CADM4: variants seen among roughly 807,000 people sequenced by gnomAD.
CADM4 encodes the protein TSLC1-like 2.
CADM4 carries 13 observed loss-of-function variants against 43.9 expected under a neutral mutation model. That is an observed-to-expected ratio of 0.30 (90% confidence interval 0.19 to 0.47). The LOEUF (loss-of-function observed/expected upper bound fraction) is 0.47, where lower values mean the gene tolerates loss of function less well. CADM4 is among the 20% of genes least tolerant of loss of function. CADM4 has a pLI of 1.00. For missense variants in CADM4, 420 were observed against 527.0 expected, an observed-to-expected ratio of 0.80 and a Z score of 1.99; for synonymous variants, 209 against 220.9, an observed-to-expected ratio of 0.95 and a Z score of 0.48.
At chr19:43,630,725 G>T (rs1973610448) in intron 1 of CADM4, among the ~76,000 whole-genome samples, 1 of 152,144 alleles carries the variant, frequency 6.6e-6, no homozygotes, top group Non-Finnish European at 1.5e-5. Context: ...ACTCCTGGCT[G>T]TCTGGATTAA....
In CADM4 at chr19:43,636,185, TG is replaced by T. The variant is rs1600102422; in HGVS notation, c.64+3541del. 2.0e-5 allele frequency among the ~76,000 whole-genome samples: 3 copies of T among 151,990 alleles called. No homozygotes were observed. The South Asian group carries it at 6.2e-4, about 32-fold the overall frequency. ...CCCATCTGGGGACCTAGGCATCAGG[TG>T]GGGGCGTAGGGGTGAGTCAGCAACC... On this transcript the variant is annotated intron_variant, in intron 1 of 8. Transcript: ENST00000222374.
Position 43,625,367 on chromosome 19 carries a change from T to C in CADM4, c.756-117A>G. The C allele has an allele frequency of 2.0e-6, 2 of 1,013,638 alleles. No homozygotes were observed. The highest frequency in any genetic ancestry group is 2.8e-6 in the Non-Finnish European group (2 of 709,772). The allele number at this position is 1,013,638 out of a possible 1,614,324, so 62.8% of individuals were successfully genotyped here. On this transcript the variant is annotated intron_variant, in intron 6 of 8. Coordinates refer to ENST00000222374, the MANE Select transcript of CADM4 (RefSeq NM_145296.2). This position sits in a 1 kb window ranked among gnomAD's most constrained non-coding sequence, Gnocchi z 4.5. Reference sequence around the variant, plus strand: ...CCGCAGGGACCTCCAAATAAGAGGCTTCCTGCTATCTCTTTCCTTTCTGGA... The same window carrying C: ...CCGCAGGGACCTCCAAATAAGAGGCCTCCTGCTATCTCTTTCCTTTCTGGA...
At chr19:43,630,135 G>A (rs1973595640) in intron 1 of CADM4, among the ~76,000 whole-genome samples, 1 of 151,670 alleles carries the variant, frequency 6.6e-6, no homozygotes, top group East Asian at 1.9e-4. Context: ...GAACTTGCGA[G>A]CTCAAGTGAA....
In CADM4 at chr19:43,627,251, A is replaced by C. The variant is rs781112477; in HGVS notation, c.279T>G (p.Asp93Glu). Residue 93 changes from aspartate (D) to glutamate (E), a missense_variant, in exon 3 of 9, where the codon GAT becomes GAG. Physicochemically the swap from Asp to Glu is conservative, Grantham distance 45. Transcript: ENST00000222374. The surrounding 1 kb of genome is among the most constrained non-coding windows in gnomAD (Gnocchi z 4.0). Reference protein sequence around the residue: ...SPRRVRIRLSDARLEDEGGYF... With the variant: ...SPRRVRIRLSEARLEDEGGYF... ...AGCCCCCCTCGTCCTCCAGGCGGGCATCTGAGAGCCGGATCCGCACCCGGC... is the reference window on the plus strand; with the variant it reads ...AGCCCCCCTCGTCCTCCAGGCGGGCCTCTGAGAGCCGGATCCGCACCCGGC... 3.1e-6 allele frequency: 5 copies of C among 1,612,886 alleles called. No homozygotes were observed. The highest frequency in any genetic ancestry group is 4.2e-6 in the Non-Finnish European group (5 of 1,179,440).
Position 43,625,011 on chromosome 19 carries a change from G to C in CADM4, c.928+67C>G. On this transcript the variant is annotated intron_variant, in intron 7 of 8. Transcript: ENST00000222374. The surrounding 1 kb of genome is among the most constrained non-coding windows in gnomAD (Gnocchi z 4.5). ...AACCCCTGAGTTATGTGGCCTCTTT[G>C]CTCAAGCCCCGCCCCCGCCACCTGG... is the stretch of plus-strand genomic sequence containing the variant. 1 of 1,442,074 alleles carries C rather than the reference G, an allele frequency of 6.9e-7. No individual in the cohort carries two copies. Among genetic ancestry groups the C allele is most frequent in the African/African-American group, 1.4e-5 (1 of 70,340 alleles). 89.3% of individuals were successfully genotyped at this position (1,442,074 alleles called of 1,614,324 possible).
intron 1 of CADM4, among the ~76,000 whole-genome samples, chr19:43,635,098 G>GA (rs1163563749): frequency 7.3e-5 from 11 of 150,240 alleles, no homozygotes; most frequent in Admixed American, 6.6e-4. Flanking sequence ...CAGGGGTCCA[G>GA]AGTACACAGC....
chr19:43,630,200 C>T (rs1412539703), intron 1 of CADM4, among the ~76,000 whole-genome samples: 2 of 151,424 alleles, frequency 1.3e-5, no homozygotes, highest in Non-Finnish European at 2.9e-5. Flanking sequence ...CCACTGTGCC[C>T]GGCCTGCGCT....
chr19:43,625,578 A>AAAT lies in CADM4; in HGVS notation c.755+330_756-329dup, dbSNP rs3842421. ...GGGAGACCCCGTCACTACAATTAAA[A>AAAT]AATAATAATAATAATAATAATAATT... On this transcript the variant is annotated intron_variant, in intron 6 of 8. Transcript: ENST00000222374. The surrounding 1 kb of genome is among the most constrained non-coding windows in gnomAD (Gnocchi z 4.5). Among the ~76,000 whole-genome samples, 45,932 of 149,768 alleles carry AAAT rather than the reference A, an allele frequency of 0.31. 7,094 individuals are homozygous for AAAT. The highest frequency in any genetic ancestry group is 0.38 in the Middle Eastern group (107 of 284).
At chr19:43,639,899 C>G, upstream of CADM4, 1 of 854,964 alleles carries the variant, frequency 1.2e-6, no homozygotes, top group South Asian at 5.4e-5. Context: ...GGGGGCGGGG[C>G]GCCGAGGCCG....
intron 1 of CADM4, among the ~76,000 whole-genome samples, chr19:43,638,412 T>C (rs1229334217): frequency 6.6e-6 from 1 of 152,238 alleles, no homozygotes; most frequent in Non-Finnish European, 1.5e-5. Flanking sequence ...GCCAGCCCCA[T>C]GCCACCTGGT....
At chr19:43,638,183 C>T (rs956531664) in intron 1 of CADM4, among the ~76,000 whole-genome samples, 9 of 152,126 alleles carry the variant, frequency 5.9e-5, no homozygotes, top group Non-Finnish European at 1.2e-4. Context: ...TCATCCTGGC[C>T]GAGGTGAGGA....
At chr19:43,636,049 C>T (rs532857955) in intron 1 of CADM4, among the ~76,000 whole-genome samples, 1 of 151,636 alleles carries the variant, frequency 6.6e-6, no homozygotes, top group South Asian at 2.1e-4. Context: ...AGGCCCCCAG[C>T]CCCTCCTCCA....
At position 43,622,702 on chromosome 19, in the gene CADM4, G is replaced by C. The variant is rs1247850214; in HGVS notation, c.*628C>G. 1 of 152,694 alleles carries C rather than the reference G, an allele frequency of 6.5e-6. No homozygotes were observed. The highest frequency in any genetic ancestry group is 1.5e-5 in the Non-Finnish European group (1 of 68,166). The allele number at this position is 152,694 out of a possible 1,614,324, so 9.5% of individuals were successfully genotyped here. ...AGAGACAAATATGGATGGGACAGAC[G>C]TTGGGGGAGAAGGTAGAGAGAAGGG... On this transcript the variant is annotated 3_prime_UTR_variant, in exon 9 of 9. Transcript: ENST00000222374.
At chr19:43,636,317 C>G (rs1322986507) in intron 1 of CADM4, among the ~76,000 whole-genome samples, 1 of 152,094 alleles carries the variant, frequency 6.6e-6, no homozygotes, top group African/African-American at 2.4e-5. Context: ...CCCCAGAGGT[C>G]CTCCCTGGGT....
Position 43,625,341 on chromosome 19 carries a change from C to T in CADM4, c.756-91G>A. On this transcript the variant is annotated intron_variant, in intron 6 of 8. Coordinates refer to ENST00000222374, the MANE Select transcript of CADM4 (RefSeq NM_145296.2). The surrounding 1 kb of genome is among the most constrained non-coding windows in gnomAD (Gnocchi z 4.5). ...AAGAATCTAGACATGCAACTCTCAT[C>T]CCGCAGGGACCTCCAAATAAGAGGC... is the stretch of plus-strand genomic sequence containing the variant. The T allele has an allele frequency of 7.8e-7, 1 of 1,285,368 alleles. No homozygotes were observed. The highest frequency in any genetic ancestry group is 1.5e-5 in the African/African-American group (1 of 67,248). 79.6% of individuals were successfully genotyped at this position (1,285,368 alleles called of 1,614,324 possible).
intron 1 of CADM4, among the ~76,000 whole-genome samples, chr19:43,638,366 T>A (rs1165135037): frequency 6.6e-6 from 1 of 152,240 alleles, no homozygotes. Flanking sequence ...TTGGCTGCGA[T>A]GGCAAATGGC....
Position 43,624,968 on chromosome 19 carries a change from G to A in CADM4, c.928+110C>T, listed in dbSNP as rs930117551. ...GGCCAGTCTGGTCCCAAAACAAAAA[G>A]AACTCTGTTGGCTGCCGAACCCCTG... On this transcript the variant is annotated intron_variant, in intron 7 of 8. Coordinates refer to ENST00000222374, the MANE Select transcript of CADM4 (RefSeq NM_145296.2). 16 of 1,227,818 alleles carry A rather than the reference G, an allele frequency of 1.3e-5. No individual in the cohort carries two copies. The African/African-American group carries it at 2.0e-4, about 15-fold the overall frequency. The allele number at this position is 1,227,818 out of a possible 1,614,324, so 76.1% of individuals were successfully genotyped here.
At position 43,625,033 on chromosome 19, in the gene CADM4, C is replaced by CA; in HGVS notation, c.928+44_928+45insT. 6 of 1,400,776 alleles carry CA rather than the reference C, an allele frequency of 4.3e-6. No individual in the cohort carries two copies. Among genetic ancestry groups the CA allele is most frequent in the African/African-American group, 1.5e-5 (1 of 68,584 alleles). The allele number at this position is 1,400,776 out of a possible 1,614,324, so 86.8% of individuals were successfully genotyped here. A position where few individuals can be genotyped will look rare whatever the true frequency, so the allele number is the denominator to read the frequency against. On this transcript the variant is annotated intron_variant, in intron 7 of 8. Coordinates refer to ENST00000222374, the MANE Select transcript of CADM4 (RefSeq NM_145296.2). This position sits in a 1 kb window ranked among gnomAD's most constrained non-coding sequence, Gnocchi z 4.5. ...TTTGCTCAAGCCCCGCCCCCGCCAC[C>CA]TGGCGCCCCGCCCCCGCCCTCAGTC...
rs1314291350 is a variant in CADM4 at position 43,625,843 on chromosome 19, C to T, written c.755+68G>A. On this transcript the variant is annotated intron_variant, in intron 6 of 8. Coordinates refer to ENST00000222374, the MANE Select transcript of CADM4 (RefSeq NM_145296.2). This position sits in a 1 kb window ranked among gnomAD's most constrained non-coding sequence, Gnocchi z 4.5. ...TCCTTAGGACCCAGGAGTCCAAGTC[C>T]CTGGTCCCTGTTCTTCCAGGTCCCC... 1.5e-6 allele frequency: 2 copies of T among 1,363,016 alleles called. No homozygotes were observed. Among genetic ancestry groups the T allele is most frequent in the African/African-American group, 1.4e-5 (1 of 69,840 alleles). 84.4% of individuals were successfully genotyped at this position (1,363,016 alleles called of 1,614,324 possible).
Sources: allele counts gnomAD v4.1 joint callset (sites outside exome capture counted in the v4.1 genomes callset), GRCh38; gene constraint gnomAD v4.1.1; non-coding constraint Gnocchi (gnomAD v3.1); transcripts MANE v1.5; gene names NCBI Gene and HGNC (gene_info 2026-07-23, HGNC 2026-07-21).